VPS13B: variants seen among roughly 807,000 people sequenced by gnomAD.
The protein encoded by VPS13B is vacuolar protein sorting 13 homolog B.
VPS13B carries 285 observed loss-of-function variants against 426.4 expected under a neutral mutation model. The observed-to-expected ratio is 0.67, with a 90% CI of 0.61 to 0.74. The LOEUF (loss-of-function observed/expected upper bound fraction) is 0.74, where lower values mean the gene tolerates loss of function less well. VPS13B is among the 30% of genes least tolerant of loss of function. The probability of loss-of-function intolerance (pLI) is 0.00; values close to 1 mark genes in which losing one functional copy is unlikely to be tolerated. For synonymous variants in VPS13B, 1,676 were observed against 1,676.4 expected (o/e 1.00, Z 0.01); for missense variants, 4,537 against 4,782.6 (o/e 0.95, Z 1.51).
chr8:99,537,179 T>A (rs936399019), intron 30 of VPS13B, among the ~76,000 whole-genome samples: 4 of 152,164 alleles, frequency 2.6e-5, no homozygotes, highest in Non-Finnish European at 5.9e-5. Flanking sequence ...AATTTGAAAA[T>A]GTCTATCATC....
chr8:99,408,562 A>T lies in VPS13B; in HGVS notation c.3082+16858A>T, dbSNP rs371894026. On this transcript the variant is annotated intron_variant, in intron 21 of 61. Coordinates refer to ENST00000357162, the MANE Select transcript of VPS13B (RefSeq NM_152564.5). ...TAGGGGCTTTTGAGAAAGAGACTCA[A>T]GAGTTTTGCTTTGGCTATGTTAAAT... 7.2e-5 allele frequency among the ~76,000 whole-genome samples: 11 copies of T among 152,322 alleles called. 2 individuals are homozygous for T. Among genetic ancestry groups the T allele is most frequent in the African/African-American group, 2.6e-4 (11 of 41,572 alleles).
rs547508027 is a variant in VPS13B, at chr8:99,318,262, A to G, written c.2824+43008A>G. On this transcript the variant is annotated intron_variant, in intron 19 of 61. Coordinates refer to ENST00000357162, the MANE Select transcript of VPS13B (RefSeq NM_152564.5). ...CATGAGCATACTGATATTGAATAACAATGCTGTGCAATTATTCTATAAACA... is the reference window on the plus strand; with the variant it reads ...CATGAGCATACTGATATTGAATAACGATGCTGTGCAATTATTCTATAAACA... Among the ~76,000 whole-genome samples, 97 of 152,322 alleles carry G rather than the reference A, an allele frequency of 6.4e-4. 1 individual carries two copies. The South Asian group carries it at 0.02, about 31-fold the overall frequency.
At chr8:99,197,735 T>A (rs1420111272) in intron 17 of VPS13B, among the ~76,000 whole-genome samples, 1 of 152,172 alleles carries the variant, frequency 6.6e-6, no homozygotes, top group Admixed American at 6.5e-5. Context: ...AAAAACCAAA[T>A]CTTATACTTC....
chr8:99,115,337 T>C (rs1477067533), intron 6 of VPS13B, among the ~76,000 whole-genome samples: 1 of 152,056 alleles, frequency 6.6e-6, no homozygotes, highest in African/African-American at 2.4e-5. Context: ...GATTGTTCTG[T>C]TTTTTGAGGA....
intron 3 of VPS13B, among the ~76,000 whole-genome samples, chr8:99,074,536 T>G (rs1269217852): frequency 6.6e-6 from 1 of 151,970 alleles, no homozygotes; most frequent in African/African-American, 2.4e-5. Context: ...TACCTGATTA[T>G]AGTATATTAT....
chr8:99,345,603 TTGTC>T (rs1811494200), intron 19 of VPS13B, among the ~76,000 whole-genome samples: 1 of 152,092 alleles, frequency 6.6e-6, no homozygotes, highest in African/African-American at 2.4e-5. Context: ...TTACTTAAAA[TTGTC>T]TGTGCTATTT....
chr8:99,028,210 C>G (rs1472138911), intron 2 of VPS13B, among the ~76,000 whole-genome samples: 2 of 151,864 alleles, frequency 1.3e-5, no homozygotes, highest in African/African-American at 4.8e-5. Flanking sequence ...CATGACCCAT[C>G]CCCAATGAGC....
intron 51 of VPS13B, among the ~76,000 whole-genome samples, chr8:99,829,352 G>A (rs910912519): frequency 4.0e-5 from 6 of 151,746 alleles, no homozygotes; most frequent in Non-Finnish European, 7.4e-5. Context: ...GTTGGTCTTC[G>A]GTCTCTGATA....
chr8:99,127,163 T>C (rs980682330), intron 8 of VPS13B, among the ~76,000 whole-genome samples: 1 of 151,960 alleles, frequency 6.6e-6, no homozygotes, highest in Admixed American at 6.6e-5. Flanking sequence ...TTTTTTGTAG[T>C]CGTTTTTGGT....
intron 17 of VPS13B, among the ~76,000 whole-genome samples, chr8:99,237,344 C>G (rs1341752371): frequency 6.6e-6 from 1 of 152,126 alleles, no homozygotes; most frequent in African/African-American, 2.4e-5. Flanking sequence ...GCAAAAACTA[C>G]TATAAAAATA....
intron 19 of VPS13B, among the ~76,000 whole-genome samples, chr8:99,335,811 C>T (rs867902531): frequency 1.7e-4 from 26 of 151,892 alleles, no homozygotes; most frequent in South Asian, 1.5e-3. Flanking sequence ...TTACAAGGGT[C>T]GTGAAGGACC....
At chr8:99,183,916 C>A (rs922646709) in intron 16 of VPS13B, among the ~76,000 whole-genome samples, 13 of 152,118 alleles carry the variant, frequency 8.5e-5, no homozygotes, top group Non-Finnish European at 1.5e-4. Context: ...AATTCTTACC[C>A]CAACTTCAAG....
intron 30 of VPS13B, among the ~76,000 whole-genome samples, chr8:99,525,566 A>G (rs548639747): frequency 6.6e-6 from 1 of 152,322 alleles, no homozygotes; most frequent in Admixed American, 6.5e-5. Context: ...AAGCCTAATA[A>G]TAAATGGGGC....
At chr8:99,594,692 AAC>A (rs772865085) in intron 33 of VPS13B, among the ~76,000 whole-genome samples, 5 of 151,990 alleles carry the variant, frequency 3.3e-5, no homozygotes, top group African/African-American at 9.7e-5. Flanking sequence ...TCCAGTTGAT[AAC>A]ACAGTTTGCT....
At chr8:99,684,410 G>A (rs1831288430) in intron 35 of VPS13B, among the ~76,000 whole-genome samples, 2 of 152,300 alleles carry the variant, frequency 1.3e-5, no homozygotes, top group South Asian at 4.1e-4. Context: ...TAGTCCCTCT[G>A]AGCATTAAGA....
intron 21 of VPS13B, among the ~76,000 whole-genome samples, chr8:99,428,278 G>T (rs12550509): frequency 0.17 from 26,448 of 151,976 alleles, 2,813 homozygotes; most frequent in East Asian, 0.38. Flanking sequence ...GAAGCCAAAA[G>T]TGACAAATGG....
At chr8:99,230,644 A>T (rs1374878888) in intron 17 of VPS13B, among the ~76,000 whole-genome samples, 1 of 152,206 alleles carries the variant, frequency 6.6e-6, no homozygotes, top group Non-Finnish European at 1.5e-5. Flanking sequence ...TTTAACAATC[A>T]GTTTCCTCCT....
At chr8:99,342,593 G>C (rs1456945631) in intron 19 of VPS13B, among the ~76,000 whole-genome samples, 1 of 152,076 alleles carries the variant, frequency 6.6e-6, no homozygotes, top group African/African-American at 2.4e-5. Flanking sequence ...TTTTAAGGCT[G>C]AATAGTAGTC....
chr8:99,640,049 G>GAGAAAAGAAA lies in VPS13B; in HGVS notation c.5221-1707_5221-1698dup, dbSNP rs563436577. Among the ~76,000 whole-genome samples the GAGAAAAGAAA allele has an allele frequency of 1.9e-3, 188 of 99,698 alleles. 1 individual carries two copies. The highest frequency in any genetic ancestry group is 2.7e-3 in the Non-Finnish European group (135 of 50,494). 65.4% of individuals were successfully genotyped at this position (99,698 alleles called of 152,430 possible). ...ATAAGAAGAAGAAGAAGAAGAAGAAGAGAAAAGAAAAGAAAAGAAAAGAAA... is the reference window on the plus strand; with the variant it reads ...ATAAGAAGAAGAAGAAGAAGAAGAAGAGAAAAGAAAAGAAAAGAAAAGAAAAGAAAAGAAA... On this transcript the variant is annotated intron_variant, in intron 33 of 61. Transcript: ENST00000357162.
Sources: allele counts gnomAD v4.1 joint callset (sites outside exome capture counted in the v4.1 genomes callset), GRCh38; gene constraint gnomAD v4.1.1; transcripts MANE v1.5; gene names NCBI Gene and HGNC (gene_info 2026-07-23, HGNC 2026-07-21).